Variants in CAPN14 observed in about 807,000 individuals in gnomAD.
CAPN14 encodes calpain-14.
Under a neutral mutation model 101.3 loss-of-function variants are expected in CAPN14, and 94 were observed. The ratio of observed to expected loss-of-function variants is 0.93; its 90% CI spans 0.79 to 1.10. CAPN14 has a LOEUF of 1.10. CAPN14 is among the 50% of genes least tolerant of loss of function. CAPN14 has a pLI of 0.00. For missense variants in CAPN14, 837 were observed against 828.4 expected, an observed-to-expected ratio of 1.01 and a Z score of -0.13; for synonymous variants, 338 against 317.9, an observed-to-expected ratio of 1.06 and a Z score of -0.67.
intron 11 of CAPN14, 23 bp from the exon 12 acceptor site, chr2:31,191,430 G>GAAAAAAAAAAAAAA: frequency 7.8e-7 from 1 of 1,277,972 alleles, no homozygotes; most frequent in Non-Finnish European, 1.0e-6. Context: ...AACAAAAACA[G>GAAAAAAAAAAAAAA]AAAAAAAAAA....
rs3031884 is a variant in CAPN14, at chr2:31,229,679, C to CA, written c.-176-3029dup. ...GGGTGACAGAGCAAGACCCTATGTC[C>CA]AAAAAAAAAAAAAAAAAAAAGGAAA... On this transcript the variant is annotated intron_variant and NMD_transcript_variant, in intron 1 of 21. Transcript: ENST00000398824. 2.5e-3 allele frequency among the ~76,000 whole-genome samples: 249 copies of CA among 98,922 alleles called. 1 individual carries two copies. The highest frequency in any genetic ancestry group is 4.9e-3 in the African/African-American group (127 of 25,898). 64.9% of individuals were successfully genotyped at this position (98,922 alleles called of 152,430 possible).
intron 9 of CAPN14, 37 bp from the exon 10 acceptor site, chr2:31,193,331 C>A: frequency 6.5e-7 from 1 of 1,544,718 alleles, no homozygotes; most frequent in Non-Finnish European, 8.7e-7. Flanking sequence ...AAGAGATGGA[C>A]CAGATAACGC....
intron 18 of CAPN14, 145 bp from the exon 19 acceptor site, chr2:31,177,966 T>C: frequency 6.0e-6 from 4 of 663,598 alleles, no homozygotes; most frequent in Non-Finnish European, 1.1e-5. Flanking sequence ...AGGATAAGAA[T>C]ATGGCAGAGT....
intron 21 of CAPN14, among the ~76,000 whole-genome samples, 166 bp from the exon 22 acceptor site, chr2:31,174,873 C>T (rs1680216733): frequency 6.6e-6 from 1 of 152,244 alleles, no homozygotes; most frequent in Non-Finnish European, 1.5e-5. Context: ...GAAATATAAT[C>T]AACCTTGACT....
chr2:31,206,347 G>A (rs1341230563), intron 1 of CAPN14, among the ~76,000 whole-genome samples: 3 of 152,198 alleles, frequency 2.0e-5, no homozygotes, highest in Non-Finnish European at 4.4e-5. Context: ...CACAGGCTCT[G>A]GCAGGGCTGC....
intron 1 of CAPN14, among the ~76,000 whole-genome samples, chr2:31,215,325 G>C (rs1682593664): frequency 6.6e-6 from 1 of 151,284 alleles, no homozygotes; most frequent in African/African-American, 2.4e-5. Context: ...ATTTGAGCTA[G>C]ATGAGCGGTC....
chr2:31,179,906 T>C (rs954921010), intron 17 of CAPN14, among the ~76,000 whole-genome samples: 1 of 152,244 alleles, frequency 6.6e-6, no homozygotes. Flanking sequence ...TATTTTGACA[T>C]GGCCAATTTG....
At chr2:31,202,951 A>C (rs1681872550) in intron 3 of CAPN14, 119 bp downstream of exon 3, 3 of 794,238 alleles carry the variant, frequency 3.8e-6, no homozygotes, top group Admixed American at 5.2e-5. Context: ...GTGAATAGCC[A>C]TTTTGGGCCT....
At chr2:31,212,933 C>T (rs914290529) in intron 1 of CAPN14, among the ~76,000 whole-genome samples, 6 of 152,186 alleles carry the variant, frequency 3.9e-5, no homozygotes, top group African/African-American at 1.4e-4. Context: ...TTGTCTCAGG[C>T]AAAATTGTAG....
rs1209501879 is a variant in CAPN14 at position 31,203,075 on chromosome 2, A to G, written c.290T>C (p.Ile97Thr). The G allele has an allele frequency of 1.3e-6, 2 of 1,551,250 alleles. No individual in the cohort carries two copies. Among genetic ancestry groups the G allele is most frequent in the Non-Finnish European group, 1.7e-6 (2 of 1,146,814 alleles). Residue 97 changes from isoleucine to threonine, a missense_variant, in exon 3 of 22, where the codon ATA (isoleucine) becomes ACA (threonine). By Grantham distance (89) the Ile-to-Thr change is moderately conservative. Transcript: ENST00000403897. ...TCGGGGCTGTGCAAACTTACCTACT[A>G]TCCCCTGGCACAGATCCAGCCTTTT... is the stretch of plus-strand genomic sequence containing the variant. The part of the protein sequence containing the change: ...KAKRLDLCQG[I>T]VGDCWFLAAL...
chr2:31,202,927 G>T (rs1681870923), intron 3 of CAPN14, 143 bp downstream of exon 3: 1 of 640,504 alleles, frequency 1.6e-6, no homozygotes, highest in East Asian at 2.8e-5. Context: ...ACATGTCCAG[G>T]TAGCGTTTTG....
chr2:31,224,154 A>G (rs552415967), intron 2 of CAPN14, among the ~76,000 whole-genome samples: 1 of 152,310 alleles, frequency 6.6e-6, no homozygotes, highest in South Asian at 2.1e-4. Context: ...TCTTGTGGCT[A>G]TCAATAGAGA....
chr2:31,221,187 T>G (rs1682853070), upstream of CAPN14, among the ~76,000 whole-genome samples: 1 of 152,226 alleles, frequency 6.6e-6, no homozygotes, highest in South Asian at 2.1e-4. Flanking sequence ...ACAAGCTATT[T>G]TCTCAACAGA....
At position 31,202,017 on chromosome 2, in the gene CAPN14, C is replaced by T; in HGVS notation, c.415-19G>A. 6.4e-7 allele frequency: 1 copy of T among 1,551,234 alleles called. No homozygotes were observed. Reference sequence around the variant, plus strand: ...GCCAGAACTGGAGGGAGAGAGTGGCCCCGGGTGAATGAGGACTGCTGCAGA... The same window carrying T: ...GCCAGAACTGGAGGGAGAGAGTGGCTCCGGGTGAATGAGGACTGCTGCAGA... On this transcript the variant is annotated intron_variant, in intron 4 of 21. Transcript: ENST00000403897.
At chr2:31,224,492 T>C (rs1682962321) in intron 2 of CAPN14, among the ~76,000 whole-genome samples, 1 of 152,150 alleles carries the variant, frequency 6.6e-6, no homozygotes, top group Non-Finnish European at 1.5e-5. Context: ...GGTACCAGGA[T>C]ATCATTGAAA....
intron 1 of CAPN14, among the ~76,000 whole-genome samples, chr2:31,214,570 T>G (rs1682548278): frequency 6.6e-6 from 1 of 152,110 alleles, no homozygotes; most frequent in Admixed American, 6.5e-5. Context: ...GGAAGTCCCT[T>G]AACTGGCAAT....
intron 1 of CAPN14, among the ~76,000 whole-genome samples, chr2:31,212,970 C>T (rs2148700421): frequency 6.6e-6 from 1 of 152,342 alleles, no homozygotes; most frequent in African/African-American, 2.4e-5. Context: ...TTGTACAAGA[C>T]TCTGTCTACA....
upstream of CAPN14, among the ~76,000 whole-genome samples, chr2:31,220,462 T>C (rs918295840): frequency 6.6e-6 from 1 of 152,148 alleles, no homozygotes; most frequent in African/African-American, 2.4e-5. Flanking sequence ...CTGGCCAGGG[T>C]TACTTCTGGC....
At chr2:31,227,656 C>T (rs2344) in intron 1 of CAPN14, among the ~76,000 whole-genome samples, 38,415 of 151,942 alleles carry the variant, frequency 0.25, 5,125 homozygotes, top group East Asian at 0.46. Context: ...TTTCTCTTAC[C>T]CTGGTTTCAC....
Sources: allele counts gnomAD v4.1 joint callset (sites outside exome capture counted in the v4.1 genomes callset), GRCh38; gene constraint gnomAD v4.1.1; transcripts MANE v1.5; gene names NCBI Gene and HGNC (gene_info 2026-07-23, HGNC 2026-07-21).